The following DNM3 variants were observed in gnomAD, a reference collection of about 807,000 sequenced individuals.
DNM3 encodes dynamin 3.
In DNM3, 47 loss-of-function variants were observed where a neutral mutation model predicts 101.6. The observed-to-expected ratio is 0.46, with a 90% CI of 0.37 to 0.59. The LOEUF (loss-of-function observed/expected upper bound fraction) is 0.59. Ranked by LOEUF, DNM3 falls within the 20% of genes least tolerant of loss-of-function variation. The pLI, the probability that DNM3 is intolerant of heterozygous loss-of-function variation, is 0.00. For missense variants in DNM3, 849 were observed against 1,085.7 expected, an observed-to-expected ratio of 0.78 and a Z score of 3.06; for synonymous variants, 385 against 387.9, an observed-to-expected ratio of 0.99 and a Z score of 0.09.
chr1:171,883,086 T>C (rs1222325829), intron 1 of DNM3, among the ~76,000 whole-genome samples: 4 of 152,040 alleles, frequency 2.6e-5, no homozygotes, highest in African/African-American at 9.7e-5. Flanking sequence ...TGAGTATTTT[T>C]CCATCTCATT....
In DNM3 at chr1:171,942,565, T is replaced by A. The variant is rs139941318; in HGVS notation, c.235+20744T>A. Reference sequence around the variant, plus strand: ...CACAAATATTTATTGGGAGCTTCTATGTACCAGACACATATTGAACGAAGT... The same window carrying A: ...CACAAATATTTATTGGGAGCTTCTAAGTACCAGACACATATTGAACGAAGT... On this transcript the variant is annotated intron_variant, in intron 2 of 20. Transcript: ENST00000627582. 1.6e-4 allele frequency among the ~76,000 whole-genome samples: 24 copies of A among 152,320 alleles called. No individual in the cohort carries two copies. The East Asian group carries it at 4.6e-3, about 29-fold the overall frequency.
At chr1:172,395,906 T>C (rs1371439571) in intron 20 of DNM3, among the ~76,000 whole-genome samples, 4 of 152,208 alleles carry the variant, frequency 2.6e-5, no homozygotes, top group African/African-American at 4.8e-5. Flanking sequence ...GCACTAGATT[T>C]GATGATAGAA....
intron 20 of DNM3, chr1:172,399,756 A>G (rs1185387371): frequency 1.3e-5 from 2 of 152,134 alleles, no homozygotes; most frequent in African/African-American, 2.4e-5. Context: ...CTTTTTCTTC[A>G]TATTTACCAC....
chr1:172,094,845 A>G (rs1480803956), intron 13 of DNM3, among the ~76,000 whole-genome samples: 1 of 152,230 alleles, frequency 6.6e-6, no homozygotes, highest in Non-Finnish European at 1.5e-5. Flanking sequence ...GTTGGATATG[A>G]TATAAAGGAT....
At chr1:172,154,346 A>G (rs1220482607) in intron 14 of DNM3, among the ~76,000 whole-genome samples, 1 of 152,064 alleles carries the variant, frequency 6.6e-6, no homozygotes, top group African/African-American at 2.4e-5. Context: ...GAGTTGAAGA[A>G]TGCCACAATG....
At chr1:172,041,468 T>C (rs10910966) in intron 7 of DNM3, among the ~76,000 whole-genome samples, 56,765 of 151,952 alleles carry the variant, frequency 0.37, 11,116 homozygotes, top group East Asian at 0.64. Context: ...TCCAGTACAG[T>C]TGAGCATATG....
At chr1:172,370,011 T>G (rs2068240295) in intron 17 of DNM3, among the ~76,000 whole-genome samples, 1 of 151,912 alleles carries the variant, frequency 6.6e-6, no homozygotes, top group African/African-American at 2.4e-5. Context: ...CCCACCCTAA[T>G]GAAACCATTT....
chr1:172,126,021 A>T, intron 13 of DNM3, among the ~76,000 whole-genome samples: 1 of 151,710 alleles, frequency 6.6e-6, no homozygotes, highest in East Asian at 1.9e-4. Flanking sequence ...TGGTCTGACC[A>T]TTTTTCCTGA....
At chr1:172,309,098 A>G in intron 16 of DNM3, 1 of 368,676 alleles carries the variant, frequency 2.7e-6, no homozygotes, top group Non-Finnish European at 4.8e-6. Flanking sequence ...ATGCAATCTC[A>G]GCTCAAGACA....
chr1:172,390,705 A>G (rs935091327), intron 20 of DNM3, among the ~76,000 whole-genome samples: 3 of 152,228 alleles, frequency 2.0e-5, no homozygotes, highest in Admixed American at 2.0e-4. Context: ...GCAAGATCCA[A>G]TTTATTATTT....
intron 20 of DNM3, among the ~76,000 whole-genome samples, chr1:172,406,190 A>T (rs749701130): frequency 2.6e-5 from 4 of 151,958 alleles, no homozygotes; most frequent in Non-Finnish European, 4.4e-5. Flanking sequence ...CTGTATCAGG[A>T]GAGGGGAAGG....
chr1:171,864,549 A>G (rs1458569329), intron 1 of DNM3: 1 of 152,192 alleles, frequency 6.6e-6, no homozygotes, highest in Non-Finnish European at 1.5e-5. Context: ...GACTTGTGGG[A>G]GCATAGTGTG....
intron 14 of DNM3, among the ~76,000 whole-genome samples, chr1:172,188,307 A>G (rs1202208800): frequency 6.6e-6 from 1 of 152,054 alleles, no homozygotes; most frequent in Non-Finnish European, 1.5e-5. Flanking sequence ...TCTTTTCCTT[A>G]GGCTCAGGTG....
At chr1:172,238,958 C>T (rs923566166) in intron 14 of DNM3, among the ~76,000 whole-genome samples, 1 of 152,176 alleles carries the variant, frequency 6.6e-6, no homozygotes, top group Admixed American at 6.5e-5. Context: ...TTTCAATTTT[C>T]AGTTTCTTCC....
chr1:171,866,841 A>T (rs1486820519), intron 1 of DNM3, among the ~76,000 whole-genome samples: 1 of 152,062 alleles, frequency 6.6e-6, no homozygotes, highest in Non-Finnish European at 1.5e-5. Flanking sequence ...TAATTCTCAC[A>T]TAGTAGGTGT....
chr1:171,882,343 CAA>C (rs3051601), intron 1 of DNM3, among the ~76,000 whole-genome samples: 5 of 110,500 alleles, frequency 4.5e-5, no homozygotes, highest in Non-Finnish European at 7.2e-5. Flanking sequence ...AACTCCGTCT[CAA>C]AAAAAAAAAA....
chr1:172,295,840 A>C (rs2064138428), intron 15 of DNM3, among the ~76,000 whole-genome samples: 2 of 152,222 alleles, frequency 1.3e-5, no homozygotes, highest in South Asian at 4.1e-4. Context: ...TAGGACTTTT[A>C]AAAAGTAAAA....
At chr1:172,156,483 T>C (rs2058343757) in intron 14 of DNM3, among the ~76,000 whole-genome samples, 1 of 152,092 alleles carries the variant, frequency 6.6e-6, no homozygotes, top group Non-Finnish European at 1.5e-5. Flanking sequence ...TTCCAGACGA[T>C]TCAGGATGTT....
chr1:172,115,916 C>T (rs986421931), intron 13 of DNM3, among the ~76,000 whole-genome samples: 1 of 152,068 alleles, frequency 6.6e-6, no homozygotes, highest in Non-Finnish European at 1.5e-5. Context: ...TGAACTCTAA[C>T]CACAACTCTA....
Sources: allele counts gnomAD v4.1 joint callset (sites outside exome capture counted in the v4.1 genomes callset), GRCh38; gene constraint gnomAD v4.1.1; transcripts MANE v1.5; gene names NCBI Gene and HGNC (gene_info 2026-07-23, HGNC 2026-07-21).